Variants in SLC4A4 observed in about 807,000 individuals in gnomAD.
SLC4A4 encodes the protein solute carrier family 4 member 4.
A neutral mutation model predicts 111.5 loss-of-function variants in SLC4A4; 27 were observed. The ratio of observed to expected loss-of-function variants is 0.24; its 90% CI spans 0.18 to 0.33. SLC4A4 has a LOEUF of 0.33. Among genes scored for constraint, SLC4A4 ranks in the 10% least tolerant of loss-of-function variants. The probability of loss-of-function intolerance (pLI) is 1.00; values close to 1 mark genes in which losing one functional copy is unlikely to be tolerated. For synonymous variants in SLC4A4, 443 were observed against 463.4 expected, an observed-to-expected ratio of 0.96 and a Z score of 0.57; for missense variants, 909 against 1,315.5, an observed-to-expected ratio of 0.69 and a Z score of 4.78.
intron 2 of SLC4A4, among the ~76,000 whole-genome samples, chr4:71,112,604 C>A (rs151123190): frequency 1.6e-4 from 25 of 152,226 alleles, no homozygotes; most frequent in African/African-American, 6.0e-4. Context: ...CACCTTGGGC[C>A]TTTGTTATTT....
chr4:71,123,812 C>T (rs10805083), intron 2 of SLC4A4, among the ~76,000 whole-genome samples: 150,036 of 152,324 alleles, frequency 0.98, 73,942 homozygotes, highest in East Asian at 1. Flanking sequence ...TTTGTTATAA[C>T]GTTTGGATAT....
At chr4:71,337,994 T>C (rs1398320581) in intron 3 of SLC4A4, among the ~76,000 whole-genome samples, 1 of 151,928 alleles carries the variant, frequency 6.6e-6, no homozygotes, top group Admixed American at 6.6e-5. Flanking sequence ...CACGCCTGGC[T>C]AATTTTTTGT....
At chr4:71,376,770 G>T (rs1732444579) in intron 6 of SLC4A4, among the ~76,000 whole-genome samples, 2 of 151,970 alleles carry the variant, frequency 1.3e-5, no homozygotes, top group East Asian at 1.9e-4. Flanking sequence ...CCAAGTAGCT[G>T]GGACTACATA....
At chr4:71,335,035 CAAAG>C (rs1335246800) in intron 3 of SLC4A4, among the ~76,000 whole-genome samples, 1 of 151,854 alleles carries the variant, frequency 6.6e-6, no homozygotes, top group Non-Finnish European at 1.5e-5. Context: ...CGTATGGACA[CAAAG>C]AAGGGAACAG....
chr4:71,348,322 C>T (rs922867656), intron 4 of SLC4A4, among the ~76,000 whole-genome samples: 2 of 132,584 alleles, frequency 1.5e-5, no homozygotes, highest in African/African-American at 6.8e-5. Context: ...GTCACACACA[C>T]ACACACACAC....
At chr4:71,205,683 T>G (rs1004905554) in intron 1 of SLC4A4, among the ~76,000 whole-genome samples, 1 of 152,202 alleles carries the variant, frequency 6.6e-6, no homozygotes, top group Non-Finnish European at 1.5e-5. Flanking sequence ...AAGGTCAGTT[T>G]CTAGCTATTG....
chr4:71,486,331 A>G (rs958617298), intron 14 of SLC4A4, among the ~76,000 whole-genome samples: 2 of 151,602 alleles, frequency 1.3e-5, no homozygotes, highest in South Asian at 2.1e-4. Flanking sequence ...ACGTTGGTTT[A>G]ATAAATTAGG....
At position 71,284,859 on chromosome 4, in the gene SLC4A4, C is replaced by A. The variant is rs187399991; in HGVS notation, c.253+29460C>A. ...GTTGTCCCCTGGTTACCTCTGGTTTCCTGATGTTCCCTGACTTAGACACTT... is the reference window on the plus strand; with the variant it reads ...GTTGTCCCCTGGTTACCTCTGGTTTACTGATGTTCCCTGACTTAGACACTT... On this transcript the variant is annotated intron_variant, in intron 3 of 25. Coordinates refer to ENST00000264485, the MANE Select transcript of SLC4A4 (RefSeq NM_001098484.3). Among the ~76,000 whole-genome samples, 8 of 152,296 alleles carry A rather than the reference C, an allele frequency of 5.3e-5. 1 individual carries two copies. The highest frequency in any genetic ancestry group is 5.2e-4 in the Admixed American group (8 of 15,298).
intron 6 of SLC4A4, among the ~76,000 whole-genome samples, chr4:71,392,460 A>G (rs1196187908): frequency 6.6e-6 from 1 of 152,078 alleles, no homozygotes; most frequent in Admixed American, 6.6e-5. Context: ...CTGTTAAGAT[A>G]ACTGGTTTAT....
At chr4:71,221,969 C>A (rs1718772474) in intron 1 of SLC4A4, among the ~76,000 whole-genome samples, 1 of 152,008 alleles carries the variant, frequency 6.6e-6, no homozygotes, top group Admixed American at 6.6e-5. Context: ...TAGTTGTGGC[C>A]CCAGAAAGAC....
At position 71,512,462 on chromosome 4, in the gene SLC4A4, C is replaced by T. The variant is rs75056320; in HGVS notation, c.2166+14770C>T. ...TGTCTTCTTTTGAGAAATGTCTATT[C>T]GTGTCCTTTGCCCACTTAAATGGAA... is the stretch of plus-strand genomic sequence containing the variant. On this transcript the variant is annotated intron_variant, in intron 16 of 25. Transcript: ENST00000264485. Among the ~76,000 whole-genome samples, 1,380 of 152,174 alleles carry T rather than the reference C, an allele frequency of 9.1e-3. 21 individuals are homozygous for T. Among genetic ancestry groups the T allele is most frequent in the African/African-American group, 0.03 (1,261 of 41,520 alleles).
At chr4:71,118,564 C>T (rs1222121167) in intron 2 of SLC4A4, among the ~76,000 whole-genome samples, 1 of 151,798 alleles carries the variant, frequency 6.6e-6, no homozygotes, top group African/African-American at 2.4e-5. Flanking sequence ...TCAAATATAC[C>T]CTTTAAAATT....
At chr4:71,168,565 AT>A (rs548370484) in intron 2 of SLC4A4, among the ~76,000 whole-genome samples, 1 of 151,750 alleles carries the variant, frequency 6.6e-6, no homozygotes, top group East Asian at 1.9e-4. Flanking sequence ...AATTCTTTCT[AT>A]TTTTTTGTAC....
intron 2 of SLC4A4, among the ~76,000 whole-genome samples, chr4:71,158,981 A>G (rs1396956488): frequency 6.6e-6 from 1 of 152,236 alleles, no homozygotes; most frequent in Non-Finnish European, 1.5e-5. Context: ...ATTTCGCAGT[A>G]CTTCATATCT....
chr4:71,292,842 G>GTTTT (rs869195687), intron 3 of SLC4A4, among the ~76,000 whole-genome samples: 48 of 110,172 alleles, frequency 4.4e-4, no homozygotes, highest in Non-Finnish European at 5.6e-4. Flanking sequence ...GGTTTTTTTT[G>GTTTT]TTTTTTTTTT....
intron 1 of SLC4A4, chr4:71,236,095 G>C (rs141949054): frequency 9.0e-6 from 9 of 1,005,132 alleles, no homozygotes; most frequent in Middle Eastern, 1.0e-3. Context: ...CGCTCTCTGC[G>C]TGTGGGTGGG....
At chr4:71,161,921 C>T (rs1289312529) in intron 2 of SLC4A4, among the ~76,000 whole-genome samples, 1 of 152,130 alleles carries the variant, frequency 6.6e-6, no homozygotes, top group Non-Finnish European at 1.5e-5. Flanking sequence ...TATTCCTCTC[C>T]TCTCTAATTC....
chr4:71,164,151 T>A (rs566179470), intron 2 of SLC4A4, among the ~76,000 whole-genome samples: 2 of 151,964 alleles, frequency 1.3e-5, no homozygotes, highest in South Asian at 2.1e-4. Flanking sequence ...GAGGCCAAGG[T>A]GGGCAGATTA....
intron 1 of SLC4A4, among the ~76,000 whole-genome samples, chr4:71,091,380 G>A (rs1217630899): frequency 6.6e-6 from 1 of 151,808 alleles, no homozygotes; most frequent in Non-Finnish European, 1.5e-5. Flanking sequence ...AACCTCCCGA[G>A]TAGCTGGGAC....
Sources: gnomAD v4.1 joint callset for allele counts (sites outside exome capture counted in the v4.1 genomes callset) on GRCh38, gnomAD v4.1.1 for gene constraint, MANE v1.5 for transcripts, NCBI Gene and HGNC (gene_info 2026-07-23, HGNC 2026-07-21) for gene names.